Variants in TRIO observed in about 807,000 individuals in gnomAD.
The protein encoded by TRIO is triple functional domain protein.
A neutral mutation model predicts 351.9 loss-of-function variants in TRIO; 58 were observed. The observed-to-expected ratio is 0.16, with a 90% CI of 0.13 to 0.21. TRIO has a LOEUF of 0.21. Among genes scored for constraint, TRIO ranks in the 10% least tolerant of loss-of-function variants. The probability of loss-of-function intolerance (pLI) is 1.00; values close to 1 mark genes in which losing one functional copy is unlikely to be tolerated. For missense variants in TRIO, 3,201 were observed against 4,027.8 expected (o/e 0.79, Z 5.56); for synonymous variants, 1,758 against 1,595.7 (o/e 1.10, Z -2.42).
chr5:14,255,812 T>C (rs1381221360), intron 1 of TRIO, among the ~76,000 whole-genome samples: 1 of 152,232 alleles, frequency 6.6e-6, no homozygotes, highest in Non-Finnish European at 1.5e-5. Context: ...TTTCCACTTG[T>C]GGTAGAGTCA....
chr5:14,366,009 T>C (rs551551996), intron 15 of TRIO, among the ~76,000 whole-genome samples: 25 of 152,330 alleles, frequency 1.6e-4, no homozygotes, highest in Non-Finnish European at 3.2e-4. Context: ...AGCCAAGCTG[T>C]AATAGGAGCT....
chr5:14,484,393 T>C (rs1163510797), intron 46 of TRIO, among the ~76,000 whole-genome samples: 4 of 152,204 alleles, frequency 2.6e-5, no homozygotes, highest in African/African-American at 9.7e-5. Flanking sequence ...GACGCATATT[T>C]CTAGTTAATT....
rs764157680 is a variant in TRIO, at chr5:14,487,517, G to GGCGGCA, written c.6894_6899dup (p.Ser2299_Gly2300dup). 8.3e-5 allele frequency: 89 copies of GGCGGCA among 1,068,368 alleles called. No individual in the cohort carries two copies. The highest frequency in any genetic ancestry group is 1.0e-4 in the Non-Finnish European group (87 of 871,562). The allele number at this position is 1,068,368 out of a possible 1,614,324, so 66.2% of individuals were successfully genotyped here. A position where few individuals can be genotyped will look rare whatever the true frequency, so the allele number is the denominator to read the frequency against. Reference sequence around the variant, plus strand: ...GAACCACAGCGGGGGCGGCGGCGGCGGCGGCAGCGGGGGCAGCGGCGGGGG... The same window carrying GGCGGCA: ...GAACCACAGCGGGGGCGGCGGCGGCGGCGGCAGCGGCAGCGGGGGCAGCGGCGGGGG... On this transcript the variant is annotated inframe_insertion, in exon 48 of 57. Transcript: ENST00000344204.
intron 13 of TRIO, among the ~76,000 whole-genome samples, chr5:14,359,999 C>CTCTCTCTCTCCACCT (rs912221761): frequency 1.3e-5 from 2 of 151,996 alleles, no homozygotes; most frequent in East Asian, 3.9e-4. Context: ...CTCCCCTTTT[C>CTCTCTCTCTCCACCT]TCTCTCTCTC....
intron 8 of TRIO, among the ~76,000 whole-genome samples, chr5:14,307,058 A>G (rs550302738): frequency 2.4e-4 from 37 of 152,336 alleles, no homozygotes; most frequent in Middle Eastern, 3.4e-3. Flanking sequence ...TTTTCAGTAG[A>G]ACAGAATGAA....
chr5:14,472,862 C>T (rs772338333), intron 39 of TRIO, among the ~76,000 whole-genome samples: 18 of 152,082 alleles, frequency 1.2e-4, no homozygotes, highest in Non-Finnish European at 1.8e-4. Context: ...GCTTCTTTTT[C>T]GCATAGTGTA....
rs764017310 is a variant in TRIO at position 14,487,979 on chromosome 5, G to A, written c.7351G>A (p.Ala2451Thr). The A allele has an allele frequency of 1.9e-6, 3 of 1,555,484 alleles. No individual in the cohort carries two copies. The highest frequency in any genetic ancestry group is 2.4e-5 in the East Asian group (1 of 41,242). Residue 2451 changes from alanine (A) to threonine (T), a missense_variant, in exon 48 of 57, where the codon GCC (alanine) becomes ACC (threonine). Transcript: ENST00000344204. ...CACCCTGCCGCTTGGGAAGCCCCGGGCCGGGGCCGCTTCGCCGCTGAACTC... is the reference window on the plus strand; with the variant it reads ...CACCCTGCCGCTTGGGAAGCCCCGGACCGGGGCCGCTTCGCCGCTGAACTC... ...LGTLPLGKPR[A>T]GAASPLNSPL...
intron 1 of TRIO, among the ~76,000 whole-genome samples, chr5:14,171,925 G>T (rs1052401206): frequency 6.6e-6 from 1 of 152,114 alleles, no homozygotes; most frequent in African/African-American, 2.4e-5. Context: ...TTTCCATTTT[G>T]CAAAAGTGAG....
chr5:14,467,552 A>G (rs1001515851), intron 37 of TRIO, among the ~76,000 whole-genome samples: 11 of 152,298 alleles, frequency 7.2e-5, no homozygotes, highest in South Asian at 6.2e-4. Context: ...GTGGTGGTTC[A>G]TGCCTGTAAT....
rs1487315520 is a variant in TRIO, at chr5:14,482,749, A to G, written c.6633A>G (p.Gly2211=). 1 of 1,604,548 alleles carries G rather than the reference A, an allele frequency of 6.2e-7. No homozygotes were observed. The highest frequency in any genetic ancestry group is 1.1e-5 in the South Asian group (1 of 89,916). ...AAAAGAAGGGCTTCTCCATGCCGGG[A>G]TTCCTGTTTAAGAACAGTATCAAGG... is the stretch of plus-strand genomic sequence containing the variant. ...LDKKKGFSMP[G]FLFKNSIKVS... The change falls in exon 46 of 57, where the codon GGA becomes GGG. Residue 2211 remains glycine, a synonymous_variant. Coordinates refer to ENST00000344204, the MANE Select transcript of TRIO (RefSeq NM_007118.4).
intron 18 of TRIO, among the ~76,000 whole-genome samples, chr5:14,372,275 A>AGAGT (rs1554065485): frequency 6.7e-6 from 1 of 149,164 alleles, no homozygotes; most frequent in Non-Finnish European, 1.5e-5. Flanking sequence ...AGAGAGAGAG[A>AGAGT]GTGCAGGCGA....
At chr5:14,209,233 G>A (rs1485521047) in intron 1 of TRIO, among the ~76,000 whole-genome samples, 5 of 152,140 alleles carry the variant, frequency 3.3e-5, no homozygotes, top group African/African-American at 1.2e-4. Flanking sequence ...TTTATGGTAT[G>A]TAAATTATAC....
At chr5:14,315,043 G>A (rs928836905) in intron 8 of TRIO, among the ~76,000 whole-genome samples, 10 of 152,142 alleles carry the variant, frequency 6.6e-5, no homozygotes, top group African/African-American at 1.9e-4. Flanking sequence ...AAAAGTAAAC[G>A]TGTTACAATC....
rs775390425 is a variant in TRIO at position 14,465,647 on chromosome 5, C to A, written c.5763+7C>A. ...ACTCGTGAAAAGCAAGATGGTGAGG[C>A]CTCCCAGAGAAAGTCTGACTTTTGG... On this transcript the variant is annotated splice_region_variant and intron_variant, in intron 37 of 56. Transcript: ENST00000344204. The A allele has an allele frequency of 1.2e-6, 2 of 1,614,040 alleles. No individual in the cohort carries two copies. The highest frequency in any genetic ancestry group is 1.3e-5 in the African/African-American group (1 of 75,004).
intron 8 of TRIO, among the ~76,000 whole-genome samples, chr5:14,315,465 A>G (rs165090): frequency 0.012 from 1,855 of 152,096 alleles, 38 homozygotes; most frequent in African/African-American, 0.042. Flanking sequence ...GTTGGCCAGG[A>G]TGGTCTCGAT....
intron 18 of TRIO, among the ~76,000 whole-genome samples, chr5:14,370,200 C>G (rs1744972225): frequency 6.6e-6 from 1 of 151,852 alleles, no homozygotes; most frequent in South Asian, 2.1e-4. Flanking sequence ...TCACAACTCT[C>G]TGAAGACTTG....
chr5:14,272,417 T>C (rs964416205), intron 2 of TRIO, among the ~76,000 whole-genome samples: 2 of 152,266 alleles, frequency 1.3e-5, no homozygotes, highest in African/African-American at 4.8e-5. Context: ...TGGTGGGTTT[T>C]ATTTGTATTC....
Position 14,368,725 on chromosome 5 carries a change from G to T in TRIO, c.2892G>T (p.Ala964=), listed in dbSNP as rs911981049. ...QHAIEKTHQS[A]LQVQQKAEAM... is the part of the protein sequence containing the mutation. ...GTCTCTAGAAAACACATCAGAGCGC[G>T]CTGCAGGTGCAGCAGAAGGCAGAAG... Residue 964 remains alanine (A), a synonymous_variant, in exon 17 of 57, where the codon GCG becomes GCT. Transcript: ENST00000344204. The T allele has an allele frequency of 1.9e-6, 3 of 1,613,730 alleles. No individual in the cohort carries two copies. Among genetic ancestry groups the T allele is most frequent in the Admixed American group, 3.3e-5 (2 of 59,992 alleles).
intron 34 of TRIO, among the ~76,000 whole-genome samples, chr5:14,442,993 T>G (rs1194162194): frequency 2.0e-5 from 3 of 152,256 alleles, no homozygotes; most frequent in Non-Finnish European, 4.4e-5. Flanking sequence ...TAATGGATCT[T>G]AAGACATAGC....
Sources: allele counts gnomAD v4.1 joint callset (sites outside exome capture counted in the v4.1 genomes callset), GRCh38; gene constraint gnomAD v4.1.1; transcripts MANE v1.5; gene names NCBI Gene and HGNC (gene_info 2026-07-23, HGNC 2026-07-21).